IFNAR2: variants seen among roughly 807,000 people sequenced by gnomAD.
IFNAR2 encodes interferon alpha and beta receptor subunit 2.
IFNAR2 carries 30 observed loss-of-function variants against 49.4 expected under a neutral mutation model. The observed-to-expected ratio is 0.61, with a 90% CI of 0.45 to 0.82. The LOEUF (loss-of-function observed/expected upper bound fraction) is 0.82. IFNAR2 is among the 40% of genes least tolerant of loss of function. The pLI is 0.00. For missense variants in IFNAR2, 600 were observed against 622.7 expected, an observed-to-expected ratio of 0.96 and a Z score of 0.39; for synonymous variants, 224 against 234.5, an observed-to-expected ratio of 0.96 and a Z score of 0.41.
intron 1 of IFNAR2, among the ~76,000 whole-genome samples, chr21:33,238,036 C>A (rs544905432): frequency 6.6e-6 from 1 of 152,104 alleles, no homozygotes; most frequent in Non-Finnish European, 1.5e-5. Flanking sequence ...CCAGGACATA[C>A]GACCCTCCTG....
In IFNAR2 at chr21:33,246,701, T is replaced by G; in HGVS notation, c.222-17T>G. On this transcript the variant is annotated splice_polypyrimidine_tract_variant and intron_variant, in intron 4 of 8. Transcript: ENST00000342136. ...CAATGCTAACAATTTCCTTTTTCCA[T>G]TTTTTTCTTTCCAAAGTAAACCAGA... The G allele has an allele frequency of 2.5e-6, 4 of 1,598,864 alleles. No homozygotes were observed. The highest frequency in any genetic ancestry group is 3.4e-6 in the Non-Finnish European group (4 of 1,172,354).
At chr21:33,260,011 T>C (rs2250226) in intron 7 of IFNAR2, among the ~76,000 whole-genome samples, 63,793 of 152,048 alleles carry the variant, frequency 0.42, 14,291 homozygotes, top group East Asian at 0.59. Context: ...TTTTTCAGTC[T>C]GGTCGCACTT....
intron 7 of IFNAR2, among the ~76,000 whole-genome samples, chr21:33,253,205 G>A (rs1053637552): frequency 6.6e-6 from 1 of 152,212 alleles, no homozygotes; most frequent in Non-Finnish European, 1.5e-5. Flanking sequence ...GGGTGAAAAG[G>A]TGGAAGCAGC....
At chr21:33,245,784 C>T (rs2834159) in intron 4 of IFNAR2, among the ~76,000 whole-genome samples, 28,383 of 152,208 alleles carry the variant, frequency 0.19, 3,095 homozygotes, top group African/African-American at 0.28. Flanking sequence ...TGCTTATTGA[C>T]TGAGCCAGTG....
Position 33,264,800 on chromosome 21 carries a change from G to A in IFNAR2, c.*1300G>A, listed in dbSNP as rs1014684804. 2 of 152,204 alleles carry A rather than the reference G, an allele frequency of 1.3e-5. No homozygotes were observed. Among genetic ancestry groups the A allele is most frequent in the African/African-American group, 4.8e-5 (2 of 41,436 alleles). 9.4% of individuals were successfully genotyped at this position (152,204 alleles called of 1,614,324 possible). On this transcript the variant is annotated 3_prime_UTR_variant, in exon 9 of 9. Transcript: ENST00000342136. ...GGCCAGTAATTCGAGACCAGCCTGG[G>A]CAACATGGCAAATCTGTCTCTACAA... is the stretch of plus-strand genomic sequence containing the variant.
chr21:33,248,535 T>C (rs1987611297), intron 5 of IFNAR2, among the ~76,000 whole-genome samples, 174 bp from the exon 6 acceptor site: 1 of 152,186 alleles, frequency 6.6e-6, no homozygotes. Context: ...AAACAGTGAA[T>C]CAGTTAAATC....
At chr21:33,241,770 G>A (rs1456052636) in intron 1 of IFNAR2, 70 bp from the exon 2 acceptor site, 8 of 1,115,914 alleles carry the variant, frequency 7.2e-6, no homozygotes. Flanking sequence ...TGGGGTAAAT[G>A]ACTAGGAATT....
At chr21:33,259,352 G>A (rs759033438) in intron 7 of IFNAR2, among the ~76,000 whole-genome samples, 3 of 152,006 alleles carry the variant, frequency 2.0e-5, no homozygotes, top group Non-Finnish European at 2.9e-5. Context: ...TTTAAAAATA[G>A]CATGCATGTA....
chr21:33,230,585 C>T lies in IFNAR2; in HGVS notation c.-84+369C>T, dbSNP rs1985980631. The stretch of plus-strand genomic sequence containing the variant: ...GAGTCGTTGCTAAGTTTGAGGGTCA[C>T]ATTCCTCCAGGTCCACCCCGCCTTG... On this transcript the variant is annotated intron_variant, in intron 1 of 8. Coordinates refer to ENST00000342136, the MANE Select transcript of IFNAR2 (RefSeq NM_001289125.3). This position sits in a 1 kb window ranked among gnomAD's most constrained non-coding sequence, Gnocchi z 5.5. 1 of 470,558 alleles carries T rather than the reference C, an allele frequency of 2.1e-6. No individual in the cohort carries two copies. The highest frequency in any genetic ancestry group is 4.4e-6 in the Non-Finnish European group (1 of 226,830). 29.1% of individuals were successfully genotyped at this position (470,558 alleles called of 1,614,324 possible).
Position 33,263,173 on chromosome 21 carries a change from C to T in IFNAR2, c.1221C>T (p.Pro407=), listed in dbSNP as rs145095223. Residue 407 remains proline (P), a synonymous_variant, in exon 9 of 9, where the codon CCC becomes CCT. Transcript: ENST00000342136. ...RRKSPLQDPF[P]EEDYSSTEGS... ...AGAGTCCACTCCAGGACCCTTTTCC[C>T]GAAGAGGACTACAGCTCCACGGAGG... 166 of 1,614,134 alleles carry T rather than the reference C, an allele frequency of 1.0e-4. No homozygotes were observed. Among genetic ancestry groups the T allele is most frequent in the African/African-American group, 2.4e-4 (18 of 75,030 alleles).
intron 6 of IFNAR2, among the ~76,000 whole-genome samples, chr21:33,251,087 G>T (rs1036145266): frequency 2.0e-5 from 3 of 152,188 alleles, no homozygotes; most frequent in African/African-American, 7.2e-5. Flanking sequence ...CATGTTGAAT[G>T]CCCTAAGACC....
At position 33,245,200 on chromosome 21, in the gene IFNAR2, G is replaced by GT. The variant is rs964193073; in HGVS notation, c.221+129dup. 5 of 698,102 alleles carry GT rather than the reference G, an allele frequency of 7.2e-6. No individual in the cohort carries two copies. The African/African-American group carries it at 7.2e-5, about 10-fold the overall frequency. 43.2% of individuals were successfully genotyped at this position (698,102 alleles called of 1,614,324 possible). On this transcript the variant is annotated intron_variant, in intron 4 of 8. Coordinates refer to ENST00000342136, the MANE Select transcript of IFNAR2 (RefSeq NM_001289125.3). ...CCTATCTACCTCTCCTTCTCTCTGC[G>GT]TTTCTTATTCAGAGCCTTAAAAAGC...
Position 33,229,940 on chromosome 21 carries a change from A to G in IFNAR2, c.-360A>G, listed in dbSNP as rs1985892437. ...GGCGGCGCGGCGCCCGCGCTTCCGTATCGCTCCTCGTAGGCCGGGGCTCGG... is the reference window on the plus strand; with the variant it reads ...GGCGGCGCGGCGCCCGCGCTTCCGTGTCGCTCCTCGTAGGCCGGGGCTCGG... On this transcript the variant is annotated 5_prime_UTR_variant, in exon 1 of 9. Coordinates refer to ENST00000342136, the MANE Select transcript of IFNAR2 (RefSeq NM_001289125.3). The G allele has an allele frequency of 3.1e-6, 3 of 982,098 alleles. No individual in the cohort carries two copies. The highest frequency in any genetic ancestry group is 9.3e-5 in the South Asian group (2 of 21,614). 60.8% of individuals were successfully genotyped at this position (982,098 alleles called of 1,614,324 possible). A position where few individuals can be genotyped will look rare whatever the true frequency, so the allele number is the denominator to read the frequency against.
At chr21:33,232,874 C>T (rs947822065) in intron 1 of IFNAR2, 15 of 407,826 alleles carry the variant, frequency 3.7e-5, no homozygotes, top group Non-Finnish European at 4.3e-5. Context: ...TCTGCCATAT[C>T]AGTAGGAGGT....
chr21:33,232,444 C>G (rs999483376), intron 1 of IFNAR2, among the ~76,000 whole-genome samples: 1 of 152,028 alleles, frequency 6.6e-6, no homozygotes, highest in African/African-American at 2.4e-5. Flanking sequence ...TTCTCTGGCC[C>G]TAACAGGAAA....
In IFNAR2 at chr21:33,263,760, C is replaced by T; in HGVS notation, c.*260C>T. ...TGCACCTTTCCTTTACACTAATGCA[C>T]TTAGGATGTTTCTGCATCATGTCTA... On this transcript the variant is annotated 3_prime_UTR_variant, in exon 9 of 9. Transcript: ENST00000342136. The T allele has an allele frequency of 4.4e-6, 2 of 449,820 alleles. No individual in the cohort carries two copies. The highest frequency in any genetic ancestry group is 3.0e-5 in the South Asian group (1 of 33,344). 27.9% of individuals were successfully genotyped at this position (449,820 alleles called of 1,614,324 possible). A position where few individuals can be genotyped will look rare whatever the true frequency, so the allele number is the denominator to read the frequency against.
Position 33,240,947 on chromosome 21 carries a change from A to G in IFNAR2, c.-83-893A>G, listed in dbSNP as rs17860168. 9.7e-3 allele frequency among the ~76,000 whole-genome samples: 1,481 copies of G among 152,346 alleles called. 20 individuals are homozygous for G. The highest frequency in any genetic ancestry group is 0.078 in the Middle Eastern group (23 of 294). Reference sequence around the variant, plus strand: ...AAGAGAAACAACTCAGAAACAGTCAATACCACATGTTCTTATAAGTGGGAG... The same window carrying G: ...AAGAGAAACAACTCAGAAACAGTCAGTACCACATGTTCTTATAAGTGGGAG... On this transcript the variant is annotated intron_variant, in intron 1 of 8. Transcript: ENST00000342136.
Position 33,262,845 on chromosome 21 carries a change from C to T in IFNAR2, c.893C>T (p.Ala298Val). Reference protein sequence around the residue: ...WPFPNLPPLEAMDMVEVIYIN... With the variant: ...WPFPNLPPLEVMDMVEVIYIN... Reference sequence around the variant, plus strand: ...TTTCCTAACCTGCCACCGTTGGAAGCCATGGATATGGTGGAGGTCATTTAC... The same window carrying T: ...TTTCCTAACCTGCCACCGTTGGAAGTCATGGATATGGTGGAGGTCATTTAC... The change falls in exon 9 of 9, where the codon GCC (alanine) becomes GTC (valine). Residue 298 changes from alanine to valine, a missense_variant. Physicochemically the swap from Ala to Val is moderately conservative, Grantham distance 64. Transcript: ENST00000342136. The T allele has an allele frequency of 6.2e-7, 1 of 1,612,632 alleles. No individual in the cohort carries two copies. The highest frequency in any genetic ancestry group is 8.5e-7 in the Non-Finnish European group (1 of 1,179,408).
intron 8 of IFNAR2, among the ~76,000 whole-genome samples, chr21:33,261,225 TG>T (rs1298228146): frequency 1.3e-5 from 2 of 151,748 alleles, no homozygotes; most frequent in African/African-American, 4.8e-5. Context: ...TTAGTAGAGA[TG>T]GGGTTTTGCT....
Sources: allele counts gnomAD v4.1 joint callset (sites outside exome capture counted in the v4.1 genomes callset), GRCh38; gene constraint gnomAD v4.1.1; non-coding constraint Gnocchi (gnomAD v3.1); transcripts MANE v1.5; gene names NCBI Gene and HGNC (gene_info 2026-07-23, HGNC 2026-07-21).